CLEC16A: variants seen among roughly 807,000 people sequenced by gnomAD.
CLEC16A encodes the protein C-type lectin domain containing 16A, also known as protein CLEC16A.
CLEC16A carries 51 observed loss-of-function variants against 109.5 expected under a neutral mutation model. The ratio of observed to expected loss-of-function variants is 0.47; its 90% confidence interval spans 0.37 to 0.59. CLEC16A has a LOEUF of 0.59. Among genes scored for constraint, CLEC16A ranks in the 20% least tolerant of loss-of-function variants. The probability of loss-of-function intolerance (pLI) is 0.00; values close to 1 mark genes in which losing one functional copy is unlikely to be tolerated. For missense variants in CLEC16A, 1,339 were observed against 1,394.0 expected, an observed-to-expected ratio of 0.96 and a Z score of 0.63; for synonymous variants, 673 against 564.2, an observed-to-expected ratio of 1.19 and a Z score of -2.73.
chr16:11,053,773 CAGAACCT>C (rs2048070913), intron 18 of CLEC16A, among the ~76,000 whole-genome samples: 1 of 152,180 alleles, frequency 6.6e-6, no homozygotes, highest in African/African-American at 2.4e-5. Context: ...ATGTGGCCCC[CAGAACCT>C]AGACTCTTAG....
intron 19 of CLEC16A, among the ~76,000 whole-genome samples, chr16:11,112,008 C>T (rs1291387439): frequency 6.6e-6 from 1 of 152,218 alleles, no homozygotes; most frequent in Non-Finnish European, 1.5e-5. Context: ...GAATGTCTGC[C>T]AGTTGGAGAG....
chr16:10,958,684 G>A (rs550595558), intron 2 of CLEC16A, among the ~76,000 whole-genome samples: 4 of 152,210 alleles, frequency 2.6e-5, no homozygotes, highest in African/African-American at 9.6e-5. Context: ...CAGGAGGATC[G>A]CTTGAGCCCA....
intron 10 of CLEC16A, among the ~76,000 whole-genome samples, chr16:11,002,419 T>C (rs972980258): frequency 2.0e-5 from 3 of 152,234 alleles, no homozygotes; most frequent in Non-Finnish European, 4.4e-5. Flanking sequence ...TTTGATTATT[T>C]GATGATGATG....
intron 1 of CLEC16A, among the ~76,000 whole-genome samples, chr16:10,951,196 T>G (rs2041712315): frequency 6.6e-6 from 1 of 152,214 alleles, no homozygotes; most frequent in Admixed American, 6.5e-5. Context: ...TTTCAAACTC[T>G]GAAGCTCATC....
intron 13 of CLEC16A, among the ~76,000 whole-genome samples, chr16:11,038,067 C>T (rs1011106541): frequency 6.6e-6 from 1 of 152,092 alleles, no homozygotes; most frequent in African/African-American, 2.4e-5. Context: ...AGACTACTAC[C>T]CTACTCAAGT....
In CLEC16A at chr16:11,055,316, G is replaced by A. The variant is rs144204079; in HGVS notation, c.1995+3675G>A. ...CGCTCCTCCTGCAGATAGAGTGATC[G>A]GAAGAGCTTCTCTGCAGAGTTGACA... On this transcript the variant is annotated intron_variant, in intron 18 of 23. Transcript: ENST00000409790. 9.2e-5 allele frequency among the ~76,000 whole-genome samples: 14 copies of A among 152,242 alleles called. No homozygotes were observed. The East Asian group carries it at 1.5e-3, about 17-fold the overall frequency.
chr16:11,106,403 TTC>T (rs2051221417), intron 19 of CLEC16A, among the ~76,000 whole-genome samples: 1 of 151,516 alleles, frequency 6.6e-6, no homozygotes, highest in African/African-American at 2.4e-5. Flanking sequence ...AGCTTCCCAC[TTC>T]GGCCTCCGAA....
intron 19 of CLEC16A, among the ~76,000 whole-genome samples, chr16:11,086,547 GTT>G (rs2050019315): frequency 6.6e-6 from 1 of 151,982 alleles, no homozygotes; most frequent in East Asian, 1.9e-4. Context: ...TTGTTTGTTT[GTT>G]TGTTTGTTTT....
At chr16:11,011,734 G>T (rs1049355758) in intron 11 of CLEC16A, among the ~76,000 whole-genome samples, 2 of 152,072 alleles carry the variant, frequency 1.3e-5, no homozygotes, top group Non-Finnish European at 2.9e-5. Flanking sequence ...ACATTTATAT[G>T]TGCCTACATA....
chr16:11,010,425 T>C (rs544239106), intron 11 of CLEC16A, among the ~76,000 whole-genome samples: 3 of 152,202 alleles, frequency 2.0e-5, no homozygotes, highest in Non-Finnish European at 4.4e-5. Context: ...ACTTTTTATT[T>C]GAAAATAATT....
chr16:11,107,079 C>T (rs530573628), intron 19 of CLEC16A, among the ~76,000 whole-genome samples: 5 of 152,278 alleles, frequency 3.3e-5, no homozygotes, highest in South Asian at 2.1e-4. Context: ...GGCAGAGGCC[C>T]GGACATCAGT....
At chr16:11,069,994 T>C (rs2048975932) in intron 19 of CLEC16A, among the ~76,000 whole-genome samples, 1 of 152,110 alleles carries the variant, frequency 6.6e-6, no homozygotes, top group Non-Finnish European at 1.5e-5. Flanking sequence ...CCAGTCCCCA[T>C]GGATATGGAG....
At chr16:11,109,585 C>A (rs1416640067) in intron 19 of CLEC16A, among the ~76,000 whole-genome samples, 3 of 152,322 alleles carry the variant, frequency 2.0e-5, no homozygotes, top group South Asian at 4.1e-4. Context: ...ACTGCAGTTC[C>A]CCCTCACTAA....
chr16:11,122,445 G>A (rs531666264), intron 20 of CLEC16A, among the ~76,000 whole-genome samples: 1 of 152,062 alleles, frequency 6.6e-6, no homozygotes, highest in South Asian at 2.1e-4. Flanking sequence ...GAATTAATAT[G>A]TGTCTTCCAT....
chr16:11,038,356 C>T (rs190542277), intron 13 of CLEC16A, among the ~76,000 whole-genome samples: 2 of 152,240 alleles, frequency 1.3e-5, no homozygotes, highest in East Asian at 1.9e-4. Flanking sequence ...CAGGAAAAGA[C>T]GTGGTACAAG....
At chr16:11,101,921 G>A (rs2050939854) in intron 19 of CLEC16A, among the ~76,000 whole-genome samples, 1 of 150,172 alleles carries the variant, frequency 6.7e-6, no homozygotes, top group Non-Finnish European at 1.5e-5. Context: ...TCCCACCTCA[G>A]CCCCCCGAGT....
intron 10 of CLEC16A, among the ~76,000 whole-genome samples, chr16:11,002,111 C>G (rs549340014): frequency 1.3e-3 from 202 of 152,322 alleles, no homozygotes; most frequent in African/African-American, 4.6e-3. Context: ...CCGGCTCTGC[C>G]ACCTCCTGGC....
At chr16:11,122,660 CT>C (rs2052510969) in intron 20 of CLEC16A, among the ~76,000 whole-genome samples, 2 of 152,244 alleles carry the variant, frequency 1.3e-5, no homozygotes, top group South Asian at 4.1e-4. Context: ...CTCTGTGAGC[CT>C]TTTCCAATGT....
chr16:11,065,479 C>T (rs368968923), intron 19 of CLEC16A, among the ~76,000 whole-genome samples: 107 of 152,344 alleles, frequency 7.0e-4, no homozygotes, highest in African/African-American at 2.5e-3. Flanking sequence ...TATTGAGCAC[C>T]TGCTGTATGC....
Sources: allele counts gnomAD v4.1 joint callset (sites outside exome capture counted in the v4.1 genomes callset), GRCh38; gene constraint gnomAD v4.1.1; transcripts MANE v1.5; gene names NCBI Gene and HGNC (gene_info 2026-07-23, HGNC 2026-07-21).